Variants in SLC25A13 observed in about 807,000 individuals in gnomAD.
SLC25A13 encodes electrogenic aspartate/glutamate antiporter SLC25A13, mitochondrial.
Under a neutral mutation model 85.5 loss-of-function variants are expected in SLC25A13, and 70 were observed. That is an observed-to-expected ratio of 0.82 (90% CI 0.68 to 1.00). SLC25A13 has a LOEUF of 1.00. Among genes scored for constraint, SLC25A13 ranks in the 50% least tolerant of loss-of-function variants. The pLI is 0.00. For synonymous variants in SLC25A13, 259 were observed against 288.7 expected (o/e 0.90, Z 1.04); for missense variants, 765 against 819.8 (o/e 0.93, Z 0.82).
chr7:96,198,192 T>C lies in SLC25A13; in HGVS notation c.469-5009A>G, dbSNP rs551991209. ...CTGCCACCCGGGAGAGCTCAGGTGA[T>C]TGTTTGCATCTTAGAGCCTCAGATT... is the stretch of plus-strand genomic sequence containing the variant. On this transcript the variant is annotated intron_variant, in intron 5 of 17. Transcript: ENST00000265631. Among the ~76,000 whole-genome samples the C allele has an allele frequency of 2.0e-5, 3 of 152,298 alleles. No homozygotes were observed. In the South Asian group the frequency reaches 6.2e-4, roughly 32 times the overall value.
intron 3 of SLC25A13, among the ~76,000 whole-genome samples, chr7:96,238,930 A>ATT (rs763739453): frequency 6.6e-6 from 1 of 151,110 alleles, no homozygotes; most frequent in Non-Finnish European, 1.5e-5. Flanking sequence ...TAATATATAT[A>ATT]AAAGGCTTAT....
chr7:96,128,987 T>C (rs1791883334), intron 15 of SLC25A13, among the ~76,000 whole-genome samples: 1 of 148,468 alleles, frequency 6.7e-6, no homozygotes, highest in Non-Finnish European at 1.5e-5. Context: ...TCTCTCAGAC[T>C]TTGCTCTGGG....
At chr7:96,229,146 T>A (rs1330609264) in intron 4 of SLC25A13, among the ~76,000 whole-genome samples, 1 of 152,194 alleles carries the variant, frequency 6.6e-6, no homozygotes, top group East Asian at 1.9e-4. Context: ...CAGTGCGGGA[T>A]CTACTAGGTG....
chr7:96,193,617 A>G (rs944756834), intron 5 of SLC25A13, among the ~76,000 whole-genome samples: 1 of 152,252 alleles, frequency 6.6e-6, no homozygotes, highest in Non-Finnish European at 1.5e-5. Context: ...ACCCAAACAC[A>G]TGATGTAACA....
chr7:96,281,839 G>A (rs576983743), intron 2 of SLC25A13, among the ~76,000 whole-genome samples: 2 of 152,274 alleles, frequency 1.3e-5, no homozygotes, highest in East Asian at 3.9e-4. Flanking sequence ...TTTAAAACAA[G>A]CTCATCACCA....
intron 13 of SLC25A13, among the ~76,000 whole-genome samples, chr7:96,164,409 A>G (rs1282291832): frequency 6.6e-6 from 1 of 152,196 alleles, no homozygotes; most frequent in East Asian, 1.9e-4. Context: ...AAACCACGGA[A>G]AGGAGGCAGC....
intron 3 of SLC25A13, among the ~76,000 whole-genome samples, chr7:96,256,746 C>T (rs1797652238): frequency 1.3e-5 from 2 of 152,234 alleles, no homozygotes; most frequent in East Asian, 1.9e-4. Context: ...AACTCTCCAC[C>T]CCAAATCAAA....
chr7:96,247,800 A>T (rs2116856930), intron 3 of SLC25A13, among the ~76,000 whole-genome samples: 1 of 152,250 alleles, frequency 6.6e-6, no homozygotes, highest in East Asian at 1.9e-4. Flanking sequence ...TGATTATCAC[A>T]ATCAAGCTAA....
At chr7:96,183,338 C>T (rs1794492577) in intron 11 of SLC25A13, among the ~76,000 whole-genome samples, 1 of 152,074 alleles carries the variant, frequency 6.6e-6, no homozygotes. Context: ...CTAGAGTCAG[C>T]AGATGGCAGA....
At chr7:96,267,309 C>T (rs1798071490) in intron 3 of SLC25A13, among the ~76,000 whole-genome samples, 1 of 152,172 alleles carries the variant, frequency 6.6e-6, no homozygotes, top group African/African-American at 2.4e-5. Context: ...TATCCTCCTT[C>T]ACCTTGTGAA....
At chr7:96,276,810 C>A (rs12704840) in intron 3 of SLC25A13, among the ~76,000 whole-genome samples, 126,230 of 152,142 alleles carry the variant, frequency 0.83, 52,631 homozygotes, top group Admixed American at 0.88. Context: ...AGGCGATTTG[C>A]TCAGAAAGAA....
At chr7:96,291,898 A>G (rs1487976143) in intron 2 of SLC25A13, among the ~76,000 whole-genome samples, 1 of 152,224 alleles carries the variant, frequency 6.6e-6, no homozygotes, top group Non-Finnish European at 1.5e-5. Flanking sequence ...AATCAATAGA[A>G]AAAGAGGGAA....
At chr7:96,132,315 A>G (rs967460745) in intron 14 of SLC25A13, among the ~76,000 whole-genome samples, 1 of 152,058 alleles carries the variant, frequency 6.6e-6, no homozygotes, top group African/African-American at 2.4e-5. Context: ...AGGTGGGGGG[A>G]AAAGGGGTTT....
At chr7:96,131,652 C>T in intron 15 of SLC25A13, 91 bp downstream of exon 15, 1 of 1,574,360 alleles carries the variant, frequency 6.4e-7, no homozygotes, top group Non-Finnish European at 8.7e-7. Flanking sequence ...CAAGAACTAT[C>T]AGCAAAAAAA....
chr7:96,308,653 T>C (rs1799846344), intron 1 of SLC25A13, among the ~76,000 whole-genome samples: 1 of 152,198 alleles, frequency 6.6e-6, no homozygotes, highest in South Asian at 2.1e-4. Flanking sequence ...GTAGGGAAGC[T>C]GATTTCAAAC....
chr7:96,310,990 A>G (rs1187543268), intron 1 of SLC25A13, among the ~76,000 whole-genome samples: 1 of 152,184 alleles, frequency 6.6e-6, no homozygotes, highest in African/African-American at 2.4e-5. Flanking sequence ...CATCCCAAAC[A>G]TAAACTCTAA....
intron 4 of SLC25A13, among the ~76,000 whole-genome samples, chr7:96,212,430 C>T (rs184421335): frequency 7.0e-4 from 107 of 152,282 alleles, no homozygotes; most frequent in Non-Finnish European, 1.1e-3. Context: ...AAACAGTACA[C>T]TGTATCAGCA....
intron 4 of SLC25A13, among the ~76,000 whole-genome samples, chr7:96,213,796 T>C (rs1394747435): frequency 1.3e-5 from 2 of 152,226 alleles, no homozygotes; most frequent in Admixed American, 6.5e-5. Context: ...TGAGGTCATA[T>C]AGGCAAAGAA....
chr7:96,300,140 T>G (rs1170362567), intron 1 of SLC25A13, among the ~76,000 whole-genome samples: 1 of 152,206 alleles, frequency 6.6e-6, no homozygotes. Context: ...ACAGGAATGG[T>G]GGCTCATACC....
Sources: gnomAD v4.1 joint callset for allele counts (sites outside exome capture counted in the v4.1 genomes callset) on GRCh38, gnomAD v4.1.1 for gene constraint, MANE v1.5 for transcripts, NCBI Gene and HGNC (gene_info 2026-07-23, HGNC 2026-07-21) for gene names.